ATP6AP1: variants seen among roughly 807,000 people sequenced by gnomAD.
The protein encoded by ATP6AP1 is ATPase H+ transporting accessory protein 1, also known as V-type proton ATPase subunit S1.
In ATP6AP1, 1 loss-of-function variant was observed where a neutral mutation model predicts 32.0. The observed-to-expected ratio is 0.03, with a 90% CI of 0.01 to 0.15. The LOEUF (loss-of-function observed/expected upper bound fraction) is 0.15. ATP6AP1 is among the 10% of genes least tolerant of loss of function. The pLI is 1.00. For missense variants in ATP6AP1, 297 were observed against 398.8 expected (o/e 0.74, Z 2.17); for synonymous variants, 187 against 174.9 (o/e 1.07, Z -0.55).
At chrX:154,429,240 C>T in intron 2 of ATP6AP1, 66 bp downstream of exon 2, 1 of 1,144,346 alleles carries the variant, frequency 8.7e-7, no homozygotes, top group Non-Finnish European at 1.2e-6. Context: ...CCCCCCATGA[C>T]ACTGACGCCC....
chrX:154,434,330 C>T lies in ATP6AP1; in HGVS notation c.807C>T (p.Phe269=). 8.3e-7 allele frequency: 1 copy of T among 1,211,917 alleles called. No individual in the cohort carries two copies. Among genetic ancestry groups the T allele is most frequent in the South Asian group, 1.8e-5 (1 of 56,995 alleles). The change falls in exon 7 of 10, where the codon TTC becomes TTT. Residue 269 remains phenylalanine, a synonymous_variant. Transcript: ENST00000369762. ...ATGACACCGCTCCCCGGATCCTGTT[C>T]TGGGCCCAAAACTTCTCTGTGGCGT... ...SYNDTAPRIL[F]WAQNFSVAYK...
At chrX:154,432,152 G>C (rs1340594396) in intron 3 of ATP6AP1, 114 bp from the exon 4 acceptor site, 3 of 815,374 alleles carry the variant, frequency 3.7e-6, no homozygotes, top group Non-Finnish European at 5.2e-6. Context: ...CATTTTCTTG[G>C]TGAGCCTTTA....
chrX:154,432,626 T>C (rs1384477956), intron 4 of ATP6AP1, among the ~76,000 whole-genome samples, 167 bp downstream of exon 4: 2 of 112,617 alleles, frequency 1.8e-5, no homozygotes, highest in East Asian at 2.8e-4. Flanking sequence ...GGAGGGCCTC[T>C]TCTGTGACTC....
At chrX:154,431,729 C>A in intron 2 of ATP6AP1, 101 bp from the exon 3 acceptor site, 2 of 814,998 alleles carry the variant, frequency 2.5e-6, no homozygotes, top group Admixed American at 2.3e-5. Flanking sequence ...CTCAGTGAGA[C>A]TTTGCTGGCC....
rs950995221 is a variant in ATP6AP1, at chrX:154,433,318, G to C, written c.599-317G>C. ...TGGGGACTCATCTATTTGCAATAAA[G>C]GACAGTCACTCCCCATGGAAAGGCA... On this transcript the variant is annotated intron_variant, in intron 5 of 9. Transcript: ENST00000369762. Among the ~76,000 whole-genome samples the C allele has an allele frequency of 4.1e-4, 46 of 112,727 alleles. 1 individual carries two copies. The highest frequency in any genetic ancestry group is 1.4e-3 in the African/African-American group (44 of 31,050).
chrX:154,430,605 G>A (rs2068688424), intron 2 of ATP6AP1: 1 of 112,141 alleles, frequency 8.9e-6, no homozygotes, highest in South Asian at 3.6e-4. Context: ...TGACATTCTT[G>A]TGAGGGTGGC....
At chrX:154,431,791 G>C (rs782687619) in intron 2 of ATP6AP1, 39 bp from the exon 3 acceptor site, 6 of 1,195,018 alleles carry the variant, frequency 5.0e-6, no homozygotes, top group African/African-American at 1.8e-5. Context: ...CCCATCACTT[G>C]CCAAACCTCC....
intron 2 of ATP6AP1, chrX:154,429,470 T>C: frequency 4.0e-6 from 1 of 248,210 alleles, no homozygotes; most frequent in Non-Finnish European, 7.4e-6. Flanking sequence ...GGGATTATCG[T>C]CCCTGTTTGT....
chrX:154,429,080 A>G lies in ATP6AP1; in HGVS notation c.194A>G (p.Glu65Gly), dbSNP rs1557196362. The change falls in exon 2 of 10, where the codon GAA becomes GGA. Residue 65 changes from glutamate (E) to glycine (G), a missense_variant. By Grantham distance (98) the Glu-to-Gly change is moderately conservative. This residue lies in a region of ATP6AP1 where 142 missense variants were observed against 145.0 expected (regional missense o/e 0.98). Coordinates refer to ENST00000369762, the MANE Select transcript of ATP6AP1 (RefSeq NM_001183.6). ...TGGGCTCCTGCGGCCGACACTCATGAAGGCCACATCACCAGCGACTTGCAG... is the reference window on the plus strand; with the variant it reads ...TGGGCTCCTGCGGCCGACACTCATGGAGGCCACATCACCAGCGACTTGCAG... ...DLWAPAADTH[E>G]GHITSDLQLS... 8.3e-7 allele frequency: 1 copy of G among 1,211,603 alleles called. No homozygotes were observed. The highest frequency in any genetic ancestry group is 2.2e-5 in the Admixed American group (1 of 46,064).
At chrX:154,432,116 T>G in intron 3 of ATP6AP1, 150 bp from the exon 4 acceptor site, 1 of 664,854 alleles carries the variant, frequency 1.5e-6, no homozygotes, top group South Asian at 2.9e-5. Context: ...GCCTGGGGCC[T>G]GAATGTCAGG....
rs138051216 is a variant in ATP6AP1, at chrX:154,434,225, C to T, written c.702C>T (p.Ala234=). The T allele has an allele frequency of 6.6e-6, 8 of 1,211,337 alleles. No homozygotes were observed. Among genetic ancestry groups the T allele is most frequent in the Non-Finnish European group, 7.8e-6 (7 of 895,247 alleles). Residue 234 remains alanine, a synonymous_variant, in exon 7 of 10, where the codon GCC becomes GCT. Transcript: ENST00000369762. ...VRPSRVARDV[A]VVAGGLGRQL... is the part of the protein sequence containing the mutation. Reference sequence around the variant, plus strand: ...TTCTGCAGGTGGCCCGTGATGTAGCCGTGGTGGCCGGAGGGCTAGGTCGCC... The same window carrying T: ...TTCTGCAGGTGGCCCGTGATGTAGCTGTGGTGGCCGGAGGGCTAGGTCGCC...
chrX:154,435,016 T>G (rs1275926656), intron 7 of ATP6AP1, 123 bp from the exon 8 acceptor site: 3 of 748,327 alleles, frequency 4.0e-6, no homozygotes, highest in Non-Finnish European at 5.8e-6. Context: ...GGACACTGCT[T>G]CTTCAGGTGG....
intron 3 of ATP6AP1, 82 bp downstream of exon 3, chrX:154,431,986 T>C (rs1471539563): frequency 9.6e-7 from 1 of 1,043,980 alleles, no homozygotes; most frequent in Non-Finnish European, 1.3e-6. Context: ...TCTGACCTCA[T>C]ATCAGGGTTA....
At position 154,435,204 on chromosome X, in the gene ATP6AP1, T is replaced by A. The variant is rs2068712609; in HGVS notation, c.971+18T>A. The A allele has an allele frequency of 8.3e-7, 1 of 1,207,994 alleles. No homozygotes were observed. The highest frequency in any genetic ancestry group is 1.8e-5 in the African/African-American group (1 of 57,082). The stretch of plus-strand genomic sequence containing the variant: ...ACATTCAAGTGAGTCCTGGGGGTGG[T>A]TGAGGTATGGGTGGGCTGGTGTGGC... On this transcript the variant is annotated intron_variant, in intron 8 of 9. Coordinates refer to ENST00000369762, the MANE Select transcript of ATP6AP1 (RefSeq NM_001183.6).
intron 3 of ATP6AP1, 129 bp from the exon 4 acceptor site, chrX:154,432,137 T>C: frequency 1.4e-6 from 1 of 722,706 alleles, no homozygotes; most frequent in South Asian, 2.8e-5. Flanking sequence ...GGCTGGGGTG[T>C]GGGCCATTTT....
intron 2 of ATP6AP1, 176 bp downstream of exon 2, chrX:154,429,350 C>A: frequency 1.4e-5 from 8 of 579,942 alleles, no homozygotes; most frequent in Non-Finnish European, 2.1e-5. Flanking sequence ...GGCATGGCGA[C>A]AGCCTCGGAA....
At chrX:154,434,549 G>C (rs1038457124) in intron 7 of ATP6AP1, 103 bp downstream of exon 7, 1 of 837,223 alleles carries the variant, frequency 1.2e-6, no homozygotes, top group Non-Finnish European at 1.7e-6. Flanking sequence ...TGTGTTTTGG[G>C]GTGGGGATGG....
intron 2 of ATP6AP1, 56 bp downstream of exon 2, chrX:154,429,230 C>T (rs1557196412): frequency 2.6e-6 from 3 of 1,167,926 alleles, no homozygotes; most frequent in Admixed American, 4.4e-5. Flanking sequence ...CAGGCCCCCT[C>T]CCCCCATGAC....
At chrX:154,432,207 G>A (rs879985023) in intron 3 of ATP6AP1, 59 bp from the exon 4 acceptor site, 5 of 1,050,821 alleles carry the variant, frequency 4.8e-6, no homozygotes, top group Middle Eastern at 3.0e-4. Context: ...GGTGTGGGGG[G>A]CTGGGCCAGG....
Sources: gnomAD v4.1 joint callset for allele counts (sites outside exome capture counted in the v4.1 genomes callset) on GRCh38, gnomAD v4.1.1 for gene constraint, gnomAD v4.1.1 regional missense constraint, MANE v1.5 for transcripts, NCBI Gene and HGNC (gene_info 2026-07-23, HGNC 2026-07-21) for gene names.